POU2F1: variants seen among roughly 807,000 people sequenced by gnomAD.
POU2F1 encodes the protein POU class 2 homeobox 1.
Under a neutral mutation model 84.9 loss-of-function variants are expected in POU2F1, and 16 were observed. That is an observed-to-expected ratio of 0.19 (90% CI 0.13 to 0.29). The LOEUF (loss-of-function observed/expected upper bound fraction) is 0.29, where lower values mean the gene tolerates loss of function less well. POU2F1 is among the 10% of genes least tolerant of loss of function. The pLI, the probability that POU2F1 is intolerant of heterozygous loss-of-function variation, is 1.00. For synonymous variants in POU2F1, 368 were observed against 368.3 expected (o/e 1.00, Z 0.01); for missense variants, 738 against 942.6 (o/e 0.78, Z 2.84).
intron 1 of POU2F1, among the ~76,000 whole-genome samples, chr1:167,261,693 T>C (rs2102436607): frequency 6.6e-6 from 1 of 152,328 alleles, no homozygotes; most frequent in Admixed American, 6.5e-5. Context: ...TGTTTTTTGT[T>C]TTTTAAGACA....
chr1:167,288,072 T>C (rs1003721456), intron 1 of POU2F1, among the ~76,000 whole-genome samples: 4 of 152,180 alleles, frequency 2.6e-5, no homozygotes, highest in Non-Finnish European at 5.9e-5. Flanking sequence ...AAATAAAAAC[T>C]GAGTTGGCTA....
At chr1:167,379,441 G>A (rs1403269426) in intron 7 of POU2F1, 2 of 152,206 alleles carry the variant, frequency 1.3e-5, no homozygotes, top group African/African-American at 2.4e-5. Flanking sequence ...ATTAATGATA[G>A]GAAAGAAGTA....
At chr1:167,346,738 T>A (rs1658229630) in intron 2 of POU2F1, among the ~76,000 whole-genome samples, 1 of 152,192 alleles carries the variant, frequency 6.6e-6, no homozygotes, top group African/African-American at 2.4e-5. Context: ...TGCAGCCTGT[T>A]CCTAGCAGGC....
intron 3 of POU2F1, among the ~76,000 whole-genome samples, chr1:167,369,790 T>A (rs570143240): frequency 6.6e-6 from 1 of 152,170 alleles, no homozygotes; most frequent in African/African-American, 2.4e-5. Flanking sequence ...TGTATATAGA[T>A]AGCTTATATG....
At chr1:167,248,133 C>A (rs962762209) in intron 1 of POU2F1, among the ~76,000 whole-genome samples, 1 of 152,138 alleles carries the variant, frequency 6.6e-6, no homozygotes, top group African/African-American at 2.4e-5. Flanking sequence ...AAAAGCATTG[C>A]AGGAAATTGA....
intron 1 of POU2F1, chr1:167,329,226 T>C (rs1202815037): frequency 2.6e-6 from 4 of 1,542,870 alleles, no homozygotes; most frequent in Non-Finnish European, 3.5e-6. Context: ...CCCAAACTGC[T>C]ACCTGTTTCT....
At chr1:167,274,758 G>A (rs1314316730) in intron 1 of POU2F1, among the ~76,000 whole-genome samples, 1 of 152,028 alleles carries the variant, frequency 6.6e-6, no homozygotes, top group Non-Finnish European at 1.5e-5. Context: ...TCAGTTTTCT[G>A]GACAAACCAT....
chr1:167,424,895 C>T lies in POU2F1; in HGVS notation c.*9085C>T, dbSNP rs1240354909. 6.6e-6 allele frequency: 1 copy of T among 152,116 alleles called. No homozygotes were observed. The highest frequency in any genetic ancestry group is 1.5e-5 in the Non-Finnish European group (1 of 68,056). 9.4% of individuals were successfully genotyped at this position (152,116 alleles called of 1,614,324 possible). Reference sequence around the variant, plus strand: ...TTTCCTTGGTGGGGTAGAGGCCAACCCCTTCTCCTCTGAGGCCTCAGGGTT... The same window carrying T: ...TTTCCTTGGTGGGGTAGAGGCCAACTCCTTCTCCTCTGAGGCCTCAGGGTT... On this transcript the variant is annotated 3_prime_UTR_variant, in exon 16 of 16. Transcript: ENST00000367866.
chr1:167,396,686 AACAC>A (rs34119749), intron 10 of POU2F1: 622 of 323,872 alleles, frequency 1.9e-3, no homozygotes, highest in East Asian at 2.9e-3. Context: ...CAGGATTAGG[AACAC>A]ACACACACAC....
At chr1:167,303,105 A>G (rs953720426) in intron 1 of POU2F1, among the ~76,000 whole-genome samples, 5 of 152,052 alleles carry the variant, frequency 3.3e-5, no homozygotes, top group Admixed American at 1.3e-4. Flanking sequence ...CTTGTATTGT[A>G]TATTAGGGGG....
rs775836399 is a variant in POU2F1 at position 167,365,578 on chromosome 1, T to C, written c.228+11T>C. The C allele has an allele frequency of 6.4e-7, 1 of 1,564,092 alleles. No individual in the cohort carries two copies. Among genetic ancestry groups the C allele is most frequent in the Non-Finnish European group, 8.7e-7 (1 of 1,151,626 alleles). On this transcript the variant is annotated intron_variant, in intron 3 of 15. Coordinates refer to ENST00000367866, the MANE Select transcript of POU2F1 (RefSeq NM_002697.4). ...GGACATCTCCATCAGGTAGGAATGTTCTGCTCAACCATCAGTGAGAGTGAA... is the reference window on the plus strand; with the variant it reads ...GGACATCTCCATCAGGTAGGAATGTCCTGCTCAACCATCAGTGAGAGTGAA...
At position 167,424,242 on chromosome 1, in the gene POU2F1, G is replaced by A. The variant is rs1650815903; in HGVS notation, c.*8432G>A. ...AACATGGAACAGGTTGGTGCAGGAA[G>A]CCTAAGATTTTGCAATCATATTATA... is the stretch of plus-strand genomic sequence containing the variant. On this transcript the variant is annotated 3_prime_UTR_variant, in exon 16 of 16. Coordinates refer to ENST00000367866, the MANE Select transcript of POU2F1 (RefSeq NM_002697.4). The A allele has an allele frequency of 6.6e-6, 1 of 152,272 alleles. No homozygotes were observed. Among genetic ancestry groups the A allele is most frequent in the Admixed American group, 6.5e-5 (1 of 15,294 alleles). The allele number at this position is 152,272 out of a possible 1,614,324, so 9.4% of individuals were successfully genotyped here. A position where few individuals can be genotyped will look rare whatever the true frequency, so the allele number is the denominator to read the frequency against.
intron 9 of POU2F1, among the ~76,000 whole-genome samples, chr1:167,394,509 A>C (rs1648664145): frequency 6.6e-6 from 1 of 152,198 alleles, no homozygotes; most frequent in South Asian, 2.1e-4. Context: ...CAGTATATTC[A>C]GAACTGTCAT....
At chr1:167,309,788 A>C (rs1006161672) in intron 1 of POU2F1, among the ~76,000 whole-genome samples, 3 of 152,158 alleles carry the variant, frequency 2.0e-5, no homozygotes, top group Non-Finnish European at 4.4e-5. Context: ...GTTACATTTA[A>C]GGTGTTAAAG....
At chr1:167,393,200 T>A (rs1051835592) in intron 9 of POU2F1, among the ~76,000 whole-genome samples, 2 of 152,192 alleles carry the variant, frequency 1.3e-5, no homozygotes, top group Non-Finnish European at 2.9e-5. Context: ...CTTAAAACAT[T>A]TACTTTTGTG....
intron 2 of POU2F1, among the ~76,000 whole-genome samples, chr1:167,339,244 C>A (rs1657676763): frequency 6.6e-6 from 1 of 152,118 alleles, no homozygotes; most frequent in South Asian, 2.1e-4. Context: ...CCCATCTTTT[C>A]TTTAAACACT....
rs372306660 is a variant in POU2F1 at position 167,289,520 on chromosome 1, T to G, written c.62-42950T>G. Among the ~76,000 whole-genome samples, 41 of 152,296 alleles carry G rather than the reference T, an allele frequency of 2.7e-4. 1 individual carries two copies. The East Asian group carries it at 7.3e-3, about 27-fold the overall frequency. On this transcript the variant is annotated intron_variant, in intron 1 of 15. Coordinates refer to ENST00000367866, the MANE Select transcript of POU2F1 (RefSeq NM_002697.4). ...GAGGCCTGGGCAGAAGCATCTTCAG[T>G]GGAAGGAACAGAAATTCCAAAGGCT...
chr1:167,249,374 A>T (rs1650562532), intron 1 of POU2F1, among the ~76,000 whole-genome samples: 2 of 152,140 alleles, frequency 1.3e-5, no homozygotes, highest in Non-Finnish European at 2.9e-5. Flanking sequence ...GGTTCTAAAG[A>T]GAGATTTATG....
chr1:167,292,681 AATAAT>A (rs565532837), intron 1 of POU2F1, among the ~76,000 whole-genome samples: 1 of 151,778 alleles, frequency 6.6e-6, no homozygotes, highest in Non-Finnish European at 1.5e-5. Context: ...AACTACAAGA[AATAAT>A]AAATAAATAA....
Sources: gnomAD v4.1 joint callset for allele counts (sites outside exome capture counted in the v4.1 genomes callset) on GRCh38, gnomAD v4.1.1 for gene constraint, MANE v1.5 for transcripts, NCBI Gene and HGNC (gene_info 2026-07-23, HGNC 2026-07-21) for gene names.